The following IGSF3 variants were observed in gnomAD, a reference collection of about 807,000 sequenced individuals.
IGSF3 encodes the protein immunoglobulin superfamily member 3.
A neutral mutation model predicts 114.4 loss-of-function variants in IGSF3; 23 were observed. The ratio of observed to expected loss-of-function variants is 0.20; its 90% CI spans 0.14 to 0.28. The LOEUF (loss-of-function observed/expected upper bound fraction) is 0.28, where lower values mean the gene tolerates loss of function less well. IGSF3 is among the 10% of genes least tolerant of loss of function. The probability of loss-of-function intolerance (pLI) is 1.00; values close to 1 mark genes in which losing one functional copy is unlikely to be tolerated. For synonymous variants in IGSF3, 571 were observed against 645.2 expected, an observed-to-expected ratio of 0.88 and a Z score of 1.74; for missense variants, 1,172 against 1,591.5, an observed-to-expected ratio of 0.74 and a Z score of 4.48.
In IGSF3 at chr1:116,633,220, C is replaced by T. The variant is rs1236934936; in HGVS notation, c.44-16763G>A. ...GCCATTTGGGATGTCCTGGGTTCAACCATTCCCACCCACTGCCGGATCAAG... is the reference window on the plus strand; with the variant it reads ...GCCATTTGGGATGTCCTGGGTTCAATCATTCCCACCCACTGCCGGATCAAG... On this transcript the variant is annotated intron_variant, in intron 2 of 10. Coordinates refer to ENST00000369486, the MANE Select transcript of IGSF3 (RefSeq NM_001007237.3). The surrounding 1 kb of genome is among the most constrained non-coding windows in gnomAD (Gnocchi z 4.3). Among the ~76,000 whole-genome samples the T allele has an allele frequency of 6.6e-6, 1 of 152,196 alleles. No homozygotes were observed. Among genetic ancestry groups the T allele is most frequent in the Non-Finnish European group, 1.5e-5 (1 of 68,032 alleles).
rs576683960 is a variant in IGSF3 at position 116,591,281 on chromosome 1, G to A, written c.2030-2177C>T. Reference sequence around the variant, plus strand: ...TCATTCCTTTCCAACCCAATTCACCGCATGCAAATGATATCTATATCAGTG... The same window carrying A: ...TCATTCCTTTCCAACCCAATTCACCACATGCAAATGATATCTATATCAGTG... On this transcript the variant is annotated intron_variant, in intron 7 of 10. Coordinates refer to ENST00000369486, the MANE Select transcript of IGSF3 (RefSeq NM_001007237.3). Among the ~76,000 whole-genome samples, 556 of 151,924 alleles carry A rather than the reference G, an allele frequency of 3.7e-3. 7 individuals are homozygous for A. Among genetic ancestry groups the A allele is most frequent in the African/African-American group, 0.013 (522 of 41,394 alleles).
chr1:116,666,316 A>G lies in IGSF3; in HGVS notation c.11T>C (p.Phe4Ser), dbSNP rs1164533612. The change falls in exon 2 of 11, where the codon TTT (phenylalanine) becomes TCT (serine). Residue 4 changes from phenylalanine to serine, a missense_variant. Around this residue, in one of 3 missense-constraint regions of IGSF3, gnomAD observed 736 missense variants for 1,042.0 expected, o/e 0.71. Coordinates refer to ENST00000369486, the MANE Select transcript of IGSF3 (RefSeq NM_001007237.3). MKC[F>S]FPVLSCLAVL... ...AGCCAGACAGCTCAGCACCGGGAAA[A>G]AGCACTTCATGTCGGCAGCCTCCAG... 12 of 1,614,174 alleles carry G rather than the reference A, an allele frequency of 7.4e-6. No homozygotes were observed. The highest frequency in any genetic ancestry group is 1.6e-4 in the Middle Eastern group (1 of 6,062).
At position 116,650,298 on chromosome 1, in the gene IGSF3, T is replaced by C. The variant is rs1648577605; in HGVS notation, c.43+15986A>G. On this transcript the variant is annotated intron_variant, in intron 2 of 10. Coordinates refer to ENST00000369486, the MANE Select transcript of IGSF3 (RefSeq NM_001007237.3). This position sits in a 1 kb window ranked among gnomAD's most constrained non-coding sequence, Gnocchi z 5.0. ...AGGGTTTTTCCCATCTCTTCCCGTC[T>C]GCTGGCCTCAACAAACCTGCTTTCC... is the stretch of plus-strand genomic sequence containing the variant. Among the ~76,000 whole-genome samples, 1 of 152,238 alleles carries C rather than the reference T, an allele frequency of 6.6e-6. No homozygotes were observed. The highest frequency in any genetic ancestry group is 1.5e-5 in the Non-Finnish European group (1 of 68,036).
chr1:116,582,405 C>T lies in IGSF3; in HGVS notation c.2848+2240G>A, dbSNP rs778078523. ...GTGATGATTGTGGTTTTCTCCCTTC[C>T]CCAGTTGTGTGAGCCCAACACAACT... On this transcript the variant is annotated intron_variant, in intron 9 of 10. Transcript: ENST00000369486. The surrounding 1 kb of genome is among the most constrained non-coding windows in gnomAD (Gnocchi z 4.7). Among the ~76,000 whole-genome samples, 4 of 152,172 alleles carry T rather than the reference C, an allele frequency of 2.6e-5. No individual in the cohort carries two copies. Among genetic ancestry groups the T allele is most frequent in the African/African-American group, 4.8e-5 (2 of 41,422 alleles).
In IGSF3 at chr1:116,629,089, T is replaced by A. The variant is rs1647438986; in HGVS notation, c.44-12632A>T. Among the ~76,000 whole-genome samples the A allele has an allele frequency of 6.6e-6, 1 of 151,978 alleles. No individual in the cohort carries two copies. Among genetic ancestry groups the A allele is most frequent in the Admixed American group, 6.6e-5 (1 of 15,258 alleles). On this transcript the variant is annotated intron_variant, in intron 2 of 10. Coordinates refer to ENST00000369486, the MANE Select transcript of IGSF3 (RefSeq NM_001007237.3). This position sits in a 1 kb window ranked among gnomAD's most constrained non-coding sequence, Gnocchi z 4.3. ...GAGCACTATACCATAGGGGGGTGGG[T>A]CACAAAAGCAGGAAAAGGTCCCCAA...
At position 116,584,998 on chromosome 1, in the gene IGSF3, C is replaced by G. The variant is rs765038262; in HGVS notation, c.2495G>C (p.Arg832Pro). ...AQGNLSVLET[R>P]QVQLECVVLN... ...AACCACACACTCCAGCTGTACCTGC[C>G]GGGTCTCCAGAACCGACAGGTTCCC... Residue 832 changes from arginine (R) to proline (P), a missense_variant, in exon 9 of 11, where the codon CGG becomes CCG. Physicochemically the swap from Arg to Pro is moderately radical, Grantham distance 103. This residue lies in a region of IGSF3 where 423 missense variants were observed against 509.8 expected (regional missense o/e 0.83). Transcript: ENST00000369486. This position sits in a 1 kb window ranked among gnomAD's most constrained non-coding sequence, Gnocchi z 5.8. 1 of 1,578,134 alleles carries G rather than the reference C, an allele frequency of 6.3e-7. No individual in the cohort carries two copies. Among genetic ancestry groups the G allele is most frequent in the Non-Finnish European group, 8.6e-7 (1 of 1,156,194 alleles).
chr1:116,621,445 AGCCAC>A (rs1661412814), intron 2 of IGSF3, among the ~76,000 whole-genome samples: 1 of 152,202 alleles, frequency 6.6e-6, no homozygotes, highest in Non-Finnish European at 1.5e-5. Context: ...CACAGGCATG[AGCCAC>A]TGAACCTGCC....
rs1279277775 is a variant in IGSF3 at position 116,579,791 on chromosome 1, G to A, written c.2935C>T (p.Arg979Cys). The A allele has an allele frequency of 6.2e-6, 10 of 1,613,968 alleles. No homozygotes were observed. The highest frequency in any genetic ancestry group is 2.7e-5 in the African/African-American group (2 of 74,922). The part of the protein sequence containing the change: ...AFQLDCSIVS[R>C]SSQDSRFAVA... ...GCGAAGCGGGAGTCCTGGCTGGAGCGGGACACGATGCTACAGTCCAGCTGG... is the reference window on the plus strand; with the variant it reads ...GCGAAGCGGGAGTCCTGGCTGGAGCAGGACACGATGCTACAGTCCAGCTGG... The change falls in exon 10 of 11, where the codon CGC becomes TGC. Residue 979 changes from arginine (R) to cysteine (C), a missense_variant. Arg to Cys is a radical substitution (Grantham distance 180). Transcript: ENST00000369486. This position sits in a 1 kb window ranked among gnomAD's most constrained non-coding sequence, Gnocchi z 6.4.
chr1:116,664,079 G>C lies in IGSF3; in HGVS notation c.43+2205C>G, dbSNP rs951430760. Among the ~76,000 whole-genome samples the C allele has an allele frequency of 1.1e-4, 16 of 152,150 alleles. No homozygotes were observed. The highest frequency in any genetic ancestry group is 2.0e-4 in the Admixed American group (3 of 15,284). On this transcript the variant is annotated intron_variant, in intron 2 of 10. Transcript: ENST00000369486. The surrounding 1 kb of genome is among the most constrained non-coding windows in gnomAD (Gnocchi z 4.6). ...CCTCTCCCAGATTAGTAAAGTAGTAGCCAGGCCTCCTTCCTGCCATACTGA... is the reference window on the plus strand; with the variant it reads ...CCTCTCCCAGATTAGTAAAGTAGTACCCAGGCCTCCTTCCTGCCATACTGA...
chr1:116,660,142 C>A (rs1251833146), intron 2 of IGSF3, among the ~76,000 whole-genome samples: 3 of 152,212 alleles, frequency 2.0e-5, no homozygotes, highest in African/African-American at 4.8e-5. Context: ...CTGAACTGGT[C>A]CTTAAAACCA....
intron 2 of IGSF3, 26 bp downstream of exon 2, chr1:116,666,258 T>C: frequency 3.7e-6 from 6 of 1,608,888 alleles, no homozygotes; most frequent in East Asian, 2.2e-5. Flanking sequence ...TTCACATCGA[T>C]TGCACTGATA....
chr1:116,653,481 A>G (rs1448298755), intron 2 of IGSF3, among the ~76,000 whole-genome samples: 1 of 152,212 alleles, frequency 6.6e-6, no homozygotes, highest in Non-Finnish European at 1.5e-5. Flanking sequence ...AGCTCTCCCC[A>G]AATTCCAAAT....
Position 116,600,260 on chromosome 1 carries a change from G to A in IGSF3, c.1710C>T (p.Pro570=), listed in dbSNP as rs1405838651. The A allele has an allele frequency of 6.2e-7, 1 of 1,613,988 alleles. No homozygotes were observed. Among genetic ancestry groups the A allele is most frequent in the African/African-American group, 1.3e-5 (1 of 74,944 alleles). The part of the protein sequence containing the change: ...DSFDLQCIIK[P]HYPAWVPVSV... ...ACACGGGGACCCAGGCAGGGTAGTG[G>A]GGTTTGATGATACACTGCAAGTCAA... Residue 570 remains proline, a synonymous_variant, in exon 7 of 11, where the codon CCC becomes CCT. Transcript: ENST00000369486. The surrounding 1 kb of genome is among the most constrained non-coding windows in gnomAD (Gnocchi z 5.5).
In IGSF3 at chr1:116,655,446, C is replaced by T. The variant is rs1648806765; in HGVS notation, c.43+10838G>A. ...GCCATCCAAGAAACTGCTCTTGCTC[C>T]CAGAGGTTTTAAAGAAAGTCATTCC... On this transcript the variant is annotated intron_variant, in intron 2 of 10. Transcript: ENST00000369486. The surrounding 1 kb of genome is among the most constrained non-coding windows in gnomAD (Gnocchi z 4.3). Among the ~76,000 whole-genome samples, 1 of 152,168 alleles carries T rather than the reference C, an allele frequency of 6.6e-6. No individual in the cohort carries two copies. The highest frequency in any genetic ancestry group is 1.5e-5 in the Non-Finnish European group (1 of 68,038).
chr1:116,577,334 A>G lies in IGSF3; in HGVS notation c.3563T>C (p.Ile1188Thr). Residue 1188 changes from isoleucine (I) to threonine (T), a missense_variant, in exon 11 of 11, where the codon ATC (isoleucine) becomes ACC (threonine). Around this residue, in one of 3 missense-constraint regions of IGSF3, gnomAD observed 423 missense variants for 509.8 expected, o/e 0.83. Coordinates refer to ENST00000369486, the MANE Select transcript of IGSF3 (RefSeq NM_001007237.3). This position sits in a 1 kb window ranked among gnomAD's most constrained non-coding sequence, Gnocchi z 5.7. ...CGCTTAGTCTATGGCCCCTGGATGG[A>G]TACTGAGAACAGGGGGCTCCAGGCA... is the stretch of plus-strand genomic sequence containing the variant. ...PTCLEPPVLSIHPGAID is the reference protein window; with the variant it reads ...PTCLEPPVLSTHPGAID The G allele has an allele frequency of 6.2e-7, 1 of 1,614,048 alleles. No homozygotes were observed. The highest frequency in any genetic ancestry group is 8.5e-7 in the Non-Finnish European group (1 of 1,180,038).
Position 116,577,516 on chromosome 1 carries a change from G to A in IGSF3, c.3381C>T (p.Tyr1127=). The A allele has an allele frequency of 6.2e-7, 1 of 1,614,098 alleles. No individual in the cohort carries two copies. Among genetic ancestry groups the A allele is most frequent in the South Asian group, 1.1e-5 (1 of 91,070 alleles). ...TGGGGAAAGGGTAGAAGAAGACGAA[G>A]TAGAAGAGTGCGTCGTTGGAGCAGA... ...SIICSNDALF[Y]FVFFYPFPIF... Residue 1127 remains tyrosine (Y), a synonymous_variant, in exon 11 of 11, where the codon TAC becomes TAT. Transcript: ENST00000369486. This position sits in a 1 kb window ranked among gnomAD's most constrained non-coding sequence, Gnocchi z 5.7.
rs141148230 is a variant in IGSF3 at position 116,624,534 on chromosome 1, T to C, written c.44-8077A>G. On this transcript the variant is annotated intron_variant, in intron 2 of 10. Coordinates refer to ENST00000369486, the MANE Select transcript of IGSF3 (RefSeq NM_001007237.3). This position sits in a 1 kb window ranked among gnomAD's most constrained non-coding sequence, Gnocchi z 4.9. ...TGCAGTAGTAGCAATAGTAGTGATA[T>C]TAACTCTAGCTGTGGAACTAATTTC... Among the ~76,000 whole-genome samples the C allele has an allele frequency of 0.015, 2,237 of 152,340 alleles. 67 individuals carry two copies. Among genetic ancestry groups the C allele is most frequent in the African/African-American group, 0.051 (2,138 of 41,568 alleles).
chr1:116,578,208 A>G (rs1185776680), intron 10 of IGSF3, among the ~76,000 whole-genome samples: 1 of 152,212 alleles, frequency 6.6e-6, no homozygotes, highest in African/African-American at 2.4e-5. Context: ...GCAGGAGCCT[A>G]GCCTCTGGGA....
rs1647712669 is a variant in IGSF3, at chr1:116,634,065, A to G, written c.44-17608T>C. On this transcript the variant is annotated intron_variant, in intron 2 of 10. Coordinates refer to ENST00000369486, the MANE Select transcript of IGSF3 (RefSeq NM_001007237.3). This position sits in a 1 kb window ranked among gnomAD's most constrained non-coding sequence, Gnocchi z 4.2. The stretch of plus-strand genomic sequence containing the variant: ...AATGGTAGAGAATATTTTCTGAAAG[A>G]CACACATGAAACCAGTAACGGTGAT... Among the ~76,000 whole-genome samples the G allele has an allele frequency of 6.6e-6, 1 of 152,248 alleles. No individual in the cohort carries two copies. The highest frequency in any genetic ancestry group is 1.5e-5 in the Non-Finnish European group (1 of 68,036).
Sources: allele counts gnomAD v4.1 joint callset (sites outside exome capture counted in the v4.1 genomes callset), GRCh38; gene constraint gnomAD v4.1.1; regional missense constraint gnomAD v4.1.1; non-coding constraint Gnocchi (gnomAD v3.1); transcripts MANE v1.5; gene names NCBI Gene and HGNC (gene_info 2026-07-23, HGNC 2026-07-21).